Variants in EPB41L5 observed in about 807,000 individuals in gnomAD.
The protein encoded by EPB41L5 is band 4.1-like protein 5.
A neutral mutation model predicts 106.6 loss-of-function variants in EPB41L5; 55 were observed. The ratio of observed to expected loss-of-function variants is 0.52; its 90% CI spans 0.42 to 0.65. EPB41L5 has a LOEUF of 0.65. EPB41L5 is among the 30% of genes least tolerant of loss of function. The probability of loss-of-function intolerance (pLI) is 0.00; values close to 1 mark genes in which losing one functional copy is unlikely to be tolerated. For missense variants in EPB41L5, 871 were observed against 882.1 expected (o/e 0.99, Z 0.16); for synonymous variants, 297 against 306.7 (o/e 0.97, Z 0.33).
chr2:120,109,805 T>C (rs1341771972), intron 16 of EPB41L5, among the ~76,000 whole-genome samples: 1 of 152,246 alleles, frequency 6.6e-6, no homozygotes, highest in Non-Finnish European at 1.5e-5. Flanking sequence ...AAGAATTGTC[T>C]ATACTTGCTA....
At chr2:120,106,595 A>G in intron 16 of EPB41L5, 8 of 985,228 alleles carry the variant, frequency 8.1e-6, no homozygotes, top group Non-Finnish European at 9.6e-6. Flanking sequence ...TCAGTACAGA[A>G]CTTAAGTATT....
rs749254851 is a variant in EPB41L5 at position 120,076,999 on chromosome 2, G to A, written c.534G>A (p.Glu178=). ...QAELGDYDLA[E]HSPELVSEFR... is the part of the protein sequence containing the mutation. ...AACTTGGTGACTATGATCTTGCTGA[G>A]CATAGTCCTGAACTTGTCTCAGAGT... Residue 178 remains glutamate, a synonymous_variant, in exon 8 of 25, where the codon GAG becomes GAA. Transcript: ENST00000263713. The A allele has an allele frequency of 6.2e-7, 1 of 1,609,994 alleles. No individual in the cohort carries two copies. The highest frequency in any genetic ancestry group is 1.7e-5 in the Admixed American group (1 of 59,588).
intron 20 of EPB41L5, among the ~76,000 whole-genome samples, chr2:120,156,365 C>T (rs1025102264): frequency 6.6e-6 from 1 of 152,202 alleles, no homozygotes; most frequent in Non-Finnish European, 1.5e-5. Context: ...CGGCCATGCA[C>T]CAGCCTGCCC....
At chr2:120,056,134 A>G (rs1170752580) in intron 3 of EPB41L5, among the ~76,000 whole-genome samples, 2 of 152,116 alleles carry the variant, frequency 1.3e-5, no homozygotes, top group East Asian at 1.9e-4. Flanking sequence ...TGATGCTTTC[A>G]TAATGAAAGG....
intron 22 of EPB41L5, 131 bp from the exon 23 acceptor site, chr2:120,167,335 A>T (rs1687458992): frequency 1.4e-6 from 1 of 718,202 alleles, no homozygotes; most frequent in Non-Finnish European, 2.4e-6. Context: ...ATGTCAGCTC[A>T]AGGAACACCA....
chr2:120,037,519 G>T (rs1348043476), intron 2 of EPB41L5, among the ~76,000 whole-genome samples: 1 of 152,148 alleles, frequency 6.6e-6, no homozygotes, highest in Non-Finnish European at 1.5e-5. Context: ...CGAAACTACA[G>T]AATCAAAAAC....
chr2:120,122,090 G>A (rs1372583478), intron 16 of EPB41L5, among the ~76,000 whole-genome samples: 3 of 152,010 alleles, frequency 2.0e-5, no homozygotes, highest in African/African-American at 7.3e-5. Context: ...TTGTCAGATG[G>A]GTAGATTGCA....
chr2:120,050,610 C>T (rs1426377508), intron 3 of EPB41L5, among the ~76,000 whole-genome samples: 1 of 152,200 alleles, frequency 6.6e-6, no homozygotes, highest in African/African-American at 2.4e-5. Flanking sequence ...CGAACATCCT[C>T]CTTTAGCTCG....
At chr2:120,119,529 G>A (rs949560289) in intron 16 of EPB41L5, among the ~76,000 whole-genome samples, 1 of 151,926 alleles carries the variant, frequency 6.6e-6, no homozygotes, top group East Asian at 1.9e-4. Context: ...GTTAATTTTT[G>A]TATATGGTAT....
chr2:120,170,366 G>C (rs1326705210), intron 24 of EPB41L5, among the ~76,000 whole-genome samples: 1 of 152,222 alleles, frequency 6.6e-6, no homozygotes, highest in Non-Finnish European at 1.5e-5. Context: ...TCTCTCACAG[G>C]CTACAGTCAA....
rs549816690 is a variant in EPB41L5 at position 120,085,584 on chromosome 2, C to T, written c.804-1587C>T. 3.3e-5 allele frequency among the ~76,000 whole-genome samples: 5 copies of T among 152,270 alleles called. No individual in the cohort carries two copies. The South Asian group carries it at 1.0e-3, about 32-fold the overall frequency. ...GACCCACTTGAGGAGGCAGTCTGTC[C>T]GTTCTCAGATCTCAAACTCCGTGCT... On this transcript the variant is annotated intron_variant, in intron 10 of 24. Coordinates refer to ENST00000263713, the MANE Select transcript of EPB41L5 (RefSeq NM_020909.4).
At chr2:120,148,265 A>G (rs913157079) in intron 20 of EPB41L5, among the ~76,000 whole-genome samples, 1 of 152,098 alleles carries the variant, frequency 6.6e-6, no homozygotes, top group Non-Finnish European at 1.5e-5. Flanking sequence ...ATTCTAGAAC[A>G]TTGTTTGAGA....
At chr2:120,048,630 GT>G (rs955975476) in intron 3 of EPB41L5, among the ~76,000 whole-genome samples, 9 of 151,838 alleles carry the variant, frequency 5.9e-5, no homozygotes, top group Admixed American at 5.9e-4. Flanking sequence ...TTTTTGAAGG[GT>G]TTTTTGTGTC....
At chr2:120,062,876 A>G (rs1300892684) in intron 3 of EPB41L5, among the ~76,000 whole-genome samples, 1 of 152,096 alleles carries the variant, frequency 6.6e-6, no homozygotes, top group African/African-American at 2.4e-5. Flanking sequence ...ACCACAGAGG[A>G]TTCTGTTTAA....
Position 120,164,713 on chromosome 2 carries a change from G to T in EPB41L5, c.1888-123G>T. On this transcript the variant is annotated intron_variant, in intron 21 of 24. Transcript: ENST00000263713. ...AACCATGATTTATGAGTGTCCCTGT[G>T]TATTTAAAGGATTAACACTAATCAG... 5.1e-6 allele frequency: 3 copies of T among 590,022 alleles called. No individual in the cohort carries two copies. The South Asian group carries it at 6.9e-5, about 13-fold the overall frequency. The allele number at this position is 590,022 out of a possible 1,614,324, so 36.5% of individuals were successfully genotyped here.
chr2:120,036,490 T>C (rs553855139), intron 2 of EPB41L5, among the ~76,000 whole-genome samples: 1 of 152,250 alleles, frequency 6.6e-6, no homozygotes, highest in African/African-American at 2.4e-5. Context: ...CAAATAAATA[T>C]GTCCAAAATA....
intron 22 of EPB41L5, among the ~76,000 whole-genome samples, chr2:120,166,018 T>C (rs113123593): frequency 1.5e-4 from 22 of 150,712 alleles, no homozygotes; most frequent in Non-Finnish European, 3.0e-4. Flanking sequence ...CTTTGTACCT[T>C]ATGAGTGATA....
intron 3 of EPB41L5, among the ~76,000 whole-genome samples, chr2:120,071,976 A>G (rs1681901971): frequency 6.6e-6 from 1 of 152,222 alleles, no homozygotes; most frequent in African/African-American, 2.4e-5. Context: ...AGAAACTATC[A>G]TCAGAGCGAA....
chr2:120,159,371 C>T (rs1238427865), intron 20 of EPB41L5, among the ~76,000 whole-genome samples: 4 of 146,198 alleles, frequency 2.7e-5, no homozygotes, highest in Non-Finnish European at 4.5e-5. Flanking sequence ...TGCAGCAAGC[C>T]GAGATCGCGC....
Sources: gnomAD v4.1 joint callset for allele counts (sites outside exome capture counted in the v4.1 genomes callset) on GRCh38, gnomAD v4.1.1 for gene constraint, MANE v1.5 for transcripts, NCBI Gene and HGNC (gene_info 2026-07-23, HGNC 2026-07-21) for gene names.